Variants in NFIB observed in about 807,000 individuals in gnomAD.
NFIB encodes the protein nuclear factor I B, also known as nuclear factor 1 B-type.
NFIB carries 11 observed loss-of-function variants against 61.5 expected under a neutral mutation model. That is an observed-to-expected ratio of 0.18 (90% CI 0.11 to 0.30). NFIB has a LOEUF of 0.30. Among genes scored for constraint, NFIB ranks in the 10% least tolerant of loss-of-function variants. NFIB has a pLI of 1.00. For missense variants in NFIB, 471 were observed against 608.9 expected, an observed-to-expected ratio of 0.77 and a Z score of 2.38; for synonymous variants, 260 against 216.5, an observed-to-expected ratio of 1.20 and a Z score of -1.76.
intron 1 of NFIB, among the ~76,000 whole-genome samples, chr9:14,330,258 A>T (rs2060805343): frequency 6.6e-6 from 1 of 152,238 alleles, no homozygotes; most frequent in African/African-American, 2.4e-5. Context: ...CTAACTAAAA[A>T]GTTAAATACT....
the NFIB span, among the ~76,000 whole-genome samples, chr9:14,501,660 C>T: frequency 1.3e-5 from 2 of 152,272 alleles, no homozygotes; most frequent in African/African-American, 4.8e-5. Context: ...TCATTCTACA[C>T]AGGGATGTTG....
rs553787783 is a variant in NFIB at position 14,092,865 on chromosome 9, G to C, written c.1468-4539C>G. ...CACTATTTCTATATGTCTTATCCTG[G>C]ATAAACTGGGCAAAATAGTTCATCT... On this transcript the variant is annotated intron_variant, in intron 10 of 10. Transcript: ENST00000380953. Among the ~76,000 whole-genome samples, 14 of 152,076 alleles carry C rather than the reference G, an allele frequency of 9.2e-5. No homozygotes were observed. In the East Asian group the frequency reaches 2.5e-3, roughly 27 times the overall value.
chr9:14,353,482 G>A (rs1238101939), intron 1 of NFIB, among the ~76,000 whole-genome samples: 1 of 152,162 alleles, frequency 6.6e-6, no homozygotes, highest in East Asian at 1.9e-4. Context: ...CCTGCACCCT[G>A]AGAATCTGAG....
chr9:14,292,032 A>C (rs774685342), intron 2 of NFIB, among the ~76,000 whole-genome samples: 61 of 152,202 alleles, frequency 4.0e-4, no homozygotes, highest in Non-Finnish European at 8.2e-4. Flanking sequence ...ATAAAAGAAA[A>C]AACCTAGTCT....
chr9:14,447,083 G>A, the NFIB span, among the ~76,000 whole-genome samples: 1 of 152,070 alleles, frequency 6.6e-6, no homozygotes, highest in East Asian at 1.9e-4. Flanking sequence ...TTTATCATAA[G>A]AATCTTATAT....
chr9:14,448,583 T>A, the NFIB span, among the ~76,000 whole-genome samples: 1 of 152,204 alleles, frequency 6.6e-6, no homozygotes, highest in African/African-American at 2.4e-5. Context: ...TTTTAATGAA[T>A]CTTTGGATTT....
chr9:14,277,954 C>T (rs2058113306), intron 2 of NFIB, among the ~76,000 whole-genome samples: 2 of 152,122 alleles, frequency 1.3e-5, no homozygotes, highest in Non-Finnish European at 2.9e-5. Context: ...GCAAAGCGCT[C>T]ACAAAGATGT....
the NFIB span, among the ~76,000 whole-genome samples, chr9:14,486,335 C>T: frequency 2.6e-5 from 4 of 152,080 alleles, no homozygotes; most frequent in Non-Finnish European, 4.4e-5. Flanking sequence ...CTAGATAGTC[C>T]ATGTCATCAA....
At chr9:14,267,086 G>C (rs1157326910) in intron 2 of NFIB, among the ~76,000 whole-genome samples, 1 of 152,092 alleles carries the variant, frequency 6.6e-6, no homozygotes, top group Non-Finnish European at 1.5e-5. Context: ...CTCATCATAA[G>C]ATGAAAAGAG....
chr9:14,382,552 T>C (rs2061501243), intron 1 of NFIB, among the ~76,000 whole-genome samples: 1 of 151,998 alleles, frequency 6.6e-6, no homozygotes, highest in African/African-American at 2.4e-5. Context: ...AGGGAATTGT[T>C]TGGAACTACC....
chr9:14,163,889 T>C (rs13299433), intron 3 of NFIB, among the ~76,000 whole-genome samples: 105,890 of 151,434 alleles, frequency 0.7, 41,743 homozygotes, highest in South Asian at 0.92. Context: ...AAGTAAATAA[T>C]AAAAAAATGA....
At position 14,083,192 on chromosome 9, in the gene NFIB, C is replaced by T; in HGVS notation, c.*5117G>A. ...TCCAACTTGTCCCCTTTACTATTAA[C>T]AATGTGACCAACAGATCTGTGGCAC... is the stretch of plus-strand genomic sequence containing the variant. On this transcript the variant is annotated 3_prime_UTR_variant, in exon 11 of 11. Coordinates refer to ENST00000380953, the MANE Select transcript of NFIB (RefSeq NM_001190737.2). 1 of 218,502 alleles carries T rather than the reference C, an allele frequency of 4.6e-6. No homozygotes were observed. The highest frequency in any genetic ancestry group is 9.2e-6 in the Non-Finnish European group (1 of 109,136). The allele number at this position is 218,502 out of a possible 1,614,324, so 13.5% of individuals were successfully genotyped here. A position where few individuals can be genotyped will look rare whatever the true frequency, so the allele number is the denominator to read the frequency against.
At chr9:14,494,027 G>A in the NFIB span, among the ~76,000 whole-genome samples, 270 of 152,230 alleles carry the variant, frequency 1.8e-3, 2 homozygotes, top group African/African-American at 6.2e-3. Flanking sequence ...CTTCAAAAAG[G>A]TTCAGAGTTT....
rs373326125 is a variant in NFIB, at chr9:14,210,116, C to G, written c.563-30336G>C. On this transcript the variant is annotated intron_variant, in intron 2 of 10. Transcript: ENST00000380953. ...TGAATTGAAGCGCTACACATCTCCC[C>G]AAAGCTTTACAATGCCATCTGTTCT... Among the ~76,000 whole-genome samples, 17 of 152,262 alleles carry G rather than the reference C, an allele frequency of 1.1e-4. No individual in the cohort carries two copies. The East Asian group carries it at 1.5e-3, about 14-fold the overall frequency.
the NFIB span, among the ~76,000 whole-genome samples, chr9:14,454,833 C>G: frequency 1.3e-5 from 2 of 152,184 alleles, no homozygotes; most frequent in African/African-American, 4.8e-5. Context: ...ATGTGTCATT[C>G]TGAGCAGAAG....
intron 1 of NFIB, among the ~76,000 whole-genome samples, chr9:14,320,260 T>C (rs2060631500): frequency 6.6e-6 from 1 of 152,242 alleles, no homozygotes; most frequent in Non-Finnish European, 1.5e-5. Flanking sequence ...GGCTTTAAAA[T>C]TCATCAGGGC....
chr9:14,108,207 T>C (rs914193158), intron 10 of NFIB, among the ~76,000 whole-genome samples: 1 of 152,104 alleles, frequency 6.6e-6, no homozygotes, highest in Non-Finnish European at 1.5e-5. Context: ...TCAATTATGA[T>C]AACAGACACA....
At chr9:14,374,244 C>T (rs921244104) in intron 1 of NFIB, among the ~76,000 whole-genome samples, 9 of 151,802 alleles carry the variant, frequency 5.9e-5, no homozygotes, top group African/African-American at 2.2e-4. Context: ...TTCTTTTATT[C>T]AGGCTTTTGC....
At chr9:14,437,480 C>G in the NFIB span, among the ~76,000 whole-genome samples, 1 of 152,112 alleles carries the variant, frequency 6.6e-6, no homozygotes, top group Non-Finnish European at 1.5e-5. Flanking sequence ...GAATTCATCC[C>G]CAAAGATTGT....
Sources: allele counts gnomAD v4.1 joint callset (sites outside exome capture counted in the v4.1 genomes callset), GRCh38; gene constraint gnomAD v4.1.1; transcripts MANE v1.5; gene names NCBI Gene and HGNC (gene_info 2026-07-23, HGNC 2026-07-21).